NRG1: variants seen among roughly 807,000 people sequenced by gnomAD.
NRG1 encodes the protein neuregulin 1, also known as pro-neuregulin-1, membrane-bound isoform.
NRG1 carries 18 observed loss-of-function variants against 63.8 expected under a neutral mutation model. The observed-to-expected ratio is 0.28, with a 90% CI of 0.19 to 0.42. The LOEUF is 0.42. NRG1 is among the 10% of genes least tolerant of loss of function. The pLI, the probability that NRG1 is intolerant of heterozygous loss-of-function variation, is 1.00. For synonymous variants in NRG1, 302 were observed against 301.3 expected (o/e 1.00, Z -0.02); for missense variants, 762 against 814.7 (o/e 0.94, Z 0.79).
intron 9 of NRG1, among the ~76,000 whole-genome samples, chr8:32,758,315 A>G (rs999153471): frequency 2.0e-5 from 3 of 152,072 alleles, no homozygotes; most frequent in African/African-American, 4.8e-5. Flanking sequence ...GGTGGCTCAC[A>G]CCTGTAATGC....
intron 1 of NRG1, among the ~76,000 whole-genome samples, chr8:32,284,165 A>G (rs1000734098): frequency 2.4e-4 from 37 of 152,248 alleles, no homozygotes; most frequent in African/African-American, 8.4e-4. Context: ...GTCTGGTTTT[A>G]GCAAGAATCT....
chr8:32,066,447 C>T (rs1486245350), intron 1 of NRG1, among the ~76,000 whole-genome samples: 22 of 152,146 alleles, frequency 1.4e-4, no homozygotes, highest in Admixed American at 1.4e-3. Context: ...ATAGGGAATC[C>T]TTTCCCCATT....
intron 1 of NRG1, among the ~76,000 whole-genome samples, chr8:31,925,590 G>A (rs1834294999): frequency 6.6e-6 from 1 of 151,882 alleles, no homozygotes; most frequent in Admixed American, 6.6e-5. Context: ...TAGCTTTTGG[G>A]ATTCTAATTA....
intron 1 of NRG1, among the ~76,000 whole-genome samples, chr8:31,960,119 G>C (rs1330280871): frequency 6.6e-6 from 1 of 152,300 alleles, no homozygotes; most frequent in East Asian, 1.9e-4. Flanking sequence ...TTAAATGAAA[G>C]CATTCCTGGG....
intron 1 of NRG1, among the ~76,000 whole-genome samples, chr8:31,729,290 T>TA (rs1813777091): frequency 1.3e-5 from 2 of 151,986 alleles, no homozygotes; most frequent in African/African-American, 2.4e-5. Context: ...ATGTCAAAAT[T>TA]AAAATAGATT....
intron 1 of NRG1, among the ~76,000 whole-genome samples, chr8:32,370,337 G>A (rs189460864): frequency 2.7e-4 from 41 of 152,320 alleles, no homozygotes; most frequent in African/African-American, 8.7e-4. Context: ...GGCAGATAAT[G>A]TGTCCAAGTA....
At chr8:32,700,540 T>G (rs188263146) in intron 5 of NRG1, among the ~76,000 whole-genome samples, 154 of 152,326 alleles carry the variant, frequency 1.0e-3, no homozygotes, top group African/African-American at 3.6e-3. Flanking sequence ...CCTTTTAAAT[T>G]TATTCAACTA....
At chr8:32,413,682 A>G (rs931901905) in intron 1 of NRG1, among the ~76,000 whole-genome samples, 6 of 152,180 alleles carry the variant, frequency 3.9e-5, no homozygotes, top group African/African-American at 1.4e-4. Flanking sequence ...CTTCCCTCAC[A>G]ATGATGCTTT....
At chr8:32,591,461 G>A (rs1015860852) in intron 1 of NRG1, among the ~76,000 whole-genome samples, 8 of 152,106 alleles carry the variant, frequency 5.3e-5, no homozygotes, top group Non-Finnish European at 1.0e-4. Context: ...AGATCATCTC[G>A]TAAGGCAAGG....
chr8:32,364,957 CTTTT>C (rs372216683), intron 1 of NRG1, among the ~76,000 whole-genome samples: 3 of 108,458 alleles, frequency 2.8e-5, no homozygotes, highest in Non-Finnish European at 5.4e-5. Context: ...CCCTTTACTA[CTTTT>C]TTTTTTTTTT....
intron 1 of NRG1, among the ~76,000 whole-genome samples, chr8:31,956,687 T>A (rs551361949): frequency 1.3e-5 from 2 of 152,282 alleles, no homozygotes; most frequent in African/African-American, 4.8e-5. Flanking sequence ...TCCTCGCAAA[T>A]ATTTTTCATA....
chr8:32,312,163 T>G (rs1417042927), intron 1 of NRG1, among the ~76,000 whole-genome samples: 1 of 129,538 alleles, frequency 7.7e-6, no homozygotes, highest in African/African-American at 2.9e-5. Context: ...GTTTGTTTTT[T>G]TTTTTTTTTT....
chr8:31,969,028 G>A (rs1806847756), intron 1 of NRG1, among the ~76,000 whole-genome samples: 1 of 152,128 alleles, frequency 6.6e-6, no homozygotes, highest in East Asian at 1.9e-4. Flanking sequence ...TTCAACCATG[G>A]TAGTCTAATC....
At chr8:31,994,717 A>G (rs1811688766) in intron 1 of NRG1, among the ~76,000 whole-genome samples, 1 of 146,038 alleles carries the variant, frequency 6.8e-6, no homozygotes, top group African/African-American at 2.5e-5. Flanking sequence ...CTGCTTGGTA[A>G]TACCTTAAAT....
Position 32,522,092 on chromosome 8 carries a change from C to T in NRG1, c.38-73736C>T, listed in dbSNP as rs534461110. On this transcript the variant is annotated intron_variant, in intron 1 of 10. Transcript: ENST00000519301. ...TCCATTGTGAGTATTTCTTGTGTGG[C>T]TTGGACTTCCTCCATTCCAGAGAAA... 1.0e-3 allele frequency among the ~76,000 whole-genome samples: 158 copies of T among 152,276 alleles called. 1 individual carries two copies. Among genetic ancestry groups the T allele is most frequent in the Non-Finnish European group, 2.1e-3 (141 of 68,018 alleles).
At chr8:32,021,702 T>TA (rs1743675566) in intron 1 of NRG1, among the ~76,000 whole-genome samples, 1 of 96,394 alleles carries the variant, frequency 1.0e-5, no homozygotes, top group African/African-American at 2.6e-5. Flanking sequence ...TTCAGAATCA[T>TA]AAAAAATGTA....
intron 1 of NRG1, among the ~76,000 whole-genome samples, chr8:31,706,325 T>C (rs1811149253): frequency 6.6e-6 from 1 of 152,174 alleles, no homozygotes; most frequent in Non-Finnish European, 1.5e-5. Flanking sequence ...TTTTGCCTCT[T>C]GATTTTTTTC....
chr8:32,027,074 G>A (rs1817495298), intron 1 of NRG1, among the ~76,000 whole-genome samples: 1 of 151,746 alleles, frequency 6.6e-6, no homozygotes, highest in Non-Finnish European at 1.5e-5. Context: ...ATCTAATTCT[G>A]TTATTCTATT....
At chr8:32,242,673 G>A (rs1234799206) in intron 1 of NRG1, among the ~76,000 whole-genome samples, 1 of 152,088 alleles carries the variant, frequency 6.6e-6, no homozygotes, top group Non-Finnish European at 1.5e-5. Flanking sequence ...TTCAGCAGAT[G>A]TCCTCTGAAT....
Sources: allele counts gnomAD v4.1 joint callset (sites outside exome capture counted in the v4.1 genomes callset), GRCh38; gene constraint gnomAD v4.1.1; transcripts MANE v1.5; gene names NCBI Gene and HGNC (gene_info 2026-07-23, HGNC 2026-07-21).